The following PDZRN3 variants were observed in gnomAD, a reference collection of about 807,000 sequenced individuals.
The protein encoded by PDZRN3 is PDZ domain containing ring finger 3, also known as E3 ubiquitin-protein ligase PDZRN3.
A neutral mutation model predicts 85.7 loss-of-function variants in PDZRN3; 38 were observed. The observed-to-expected ratio is 0.44, with a 90% confidence interval of 0.34 to 0.58. The LOEUF is 0.58. PDZRN3 is among the 20% of genes least tolerant of loss of function. The pLI is 0.01. For synonymous variants in PDZRN3, 759 were observed against 638.0 expected, an observed-to-expected ratio of 1.19 and a Z score of -2.86; for missense variants, 1,629 against 1,506.4, an observed-to-expected ratio of 1.08 and a Z score of -1.35.
At chr3:73,594,889 C>T (rs1012774631) in intron 3 of PDZRN3, among the ~76,000 whole-genome samples, 3 of 152,274 alleles carry the variant, frequency 2.0e-5, no homozygotes, top group East Asian at 1.9e-4. Context: ...AGTGAAAAGA[C>T]AGTCATTACT....
intron 3 of PDZRN3, among the ~76,000 whole-genome samples, chr3:73,457,404 G>A (rs1467590952): frequency 6.6e-6 from 1 of 152,076 alleles, no homozygotes; most frequent in African/African-American, 2.4e-5. Flanking sequence ...GCACCATCAA[G>A]GCTCTGGAGT....
chr3:73,447,973 A>G (rs1003661099), intron 3 of PDZRN3, among the ~76,000 whole-genome samples: 1 of 152,200 alleles, frequency 6.6e-6, no homozygotes, highest in East Asian at 1.9e-4. Context: ...CCTAAATATC[A>G]TAGCTTTTCC....
chr3:73,526,364 A>G lies in PDZRN3; in HGVS notation c.918+75990T>C, dbSNP rs529183560. ...AGAGTATTCTCATACCAACCCATCA[A>G]GTATCCCCATACCCATTCCACAGAT... On this transcript the variant is annotated intron_variant, in intron 3 of 9. Transcript: ENST00000263666. 1.2e-4 allele frequency among the ~76,000 whole-genome samples: 19 copies of G among 152,330 alleles called. No homozygotes were observed. In the South Asian group the frequency reaches 3.9e-3, roughly 32 times the overall value.
chr3:73,419,771 T>C (rs981561180), intron 3 of PDZRN3, among the ~76,000 whole-genome samples: 4 of 152,194 alleles, frequency 2.6e-5, no homozygotes, highest in Non-Finnish European at 5.9e-5. Flanking sequence ...GTGTCTTAAT[T>C]GCTATCGCAG....
At chr3:73,412,696 A>C (rs1701997975) in intron 3 of PDZRN3, among the ~76,000 whole-genome samples, 1 of 152,204 alleles carries the variant, frequency 6.6e-6, no homozygotes, top group Admixed American at 6.5e-5. Flanking sequence ...TCTCTGTAAA[A>C]TGGGTTAACA....
chr3:73,562,982 A>G (rs1323704229), intron 3 of PDZRN3, among the ~76,000 whole-genome samples: 3 of 26,536 alleles, frequency 1.1e-4, no homozygotes, highest in African/African-American at 4.7e-4. Context: ...AAGTTGGCAA[A>G]TTATATATAT....
At chr3:73,579,073 C>T (rs1006494584) in intron 3 of PDZRN3, among the ~76,000 whole-genome samples, 5 of 152,060 alleles carry the variant, frequency 3.3e-5, no homozygotes, top group Admixed American at 2.0e-4. Context: ...TAATACCCAA[C>T]GTGATAGTAC....
chr3:73,481,610 G>C (rs753853258), intron 3 of PDZRN3, among the ~76,000 whole-genome samples: 2 of 151,468 alleles, frequency 1.3e-5, no homozygotes, highest in African/African-American at 2.4e-5. Context: ...GATTACAGGC[G>C]TAAGCCACCA....
chr3:73,396,052 G>A (rs1263200164), intron 5 of PDZRN3, among the ~76,000 whole-genome samples: 1 of 152,044 alleles, frequency 6.6e-6, no homozygotes, highest in African/African-American at 2.4e-5. Flanking sequence ...GCGAAACCCT[G>A]TCTCTACTAA....
chr3:73,459,130 G>A (rs1296247502), intron 3 of PDZRN3, among the ~76,000 whole-genome samples: 1 of 152,128 alleles, frequency 6.6e-6, no homozygotes, highest in African/African-American at 2.4e-5. Context: ...AAGAGAGAAT[G>A]AGTGCCAGCA....
At chr3:73,425,084 G>A (rs1559672604) in intron 3 of PDZRN3, among the ~76,000 whole-genome samples, 2 of 149,864 alleles carry the variant, frequency 1.3e-5, no homozygotes, top group African/African-American at 4.9e-5. Flanking sequence ...GTATGATCTC[G>A]GCTCACTGCA....
intron 3 of PDZRN3, among the ~76,000 whole-genome samples, chr3:73,589,703 C>G (rs1702326519): frequency 3.9e-5 from 6 of 152,188 alleles, no homozygotes; most frequent in Admixed American, 3.9e-4. Context: ...CCAAAGGATT[C>G]TCCTTTCATT....
At chr3:73,405,780 T>G (rs900305680) in intron 3 of PDZRN3, among the ~76,000 whole-genome samples, 1 of 152,344 alleles carries the variant, frequency 6.6e-6, no homozygotes, top group Admixed American at 6.5e-5. Flanking sequence ...TTTTCCTCCC[T>G]TAGTATCTTG....
At chr3:73,523,013 TG>T (rs202052020) in intron 3 of PDZRN3, among the ~76,000 whole-genome samples, 54 of 146,756 alleles carry the variant, frequency 3.7e-4, no homozygotes, top group Middle Eastern at 3.5e-3. Context: ...GAGTTTTTTT[TG>T]TTTGTTTGTT....
chr3:73,404,573 T>G (rs1701817228), intron 3 of PDZRN3, 178 bp from the exon 4 acceptor site: 1 of 619,814 alleles, frequency 1.6e-6, no homozygotes, highest in East Asian at 2.8e-5. Flanking sequence ...GGAAAGAGAG[T>G]GAGTTTGGAG....
chr3:73,433,273 A>C (rs964403216), intron 3 of PDZRN3, among the ~76,000 whole-genome samples: 1 of 152,198 alleles, frequency 6.6e-6, no homozygotes, highest in South Asian at 2.1e-4. Flanking sequence ...CCTTGCTAGC[A>C]TTAATCATCA....
chr3:73,396,477 C>A (rs1215335273), intron 5 of PDZRN3, among the ~76,000 whole-genome samples: 1 of 152,150 alleles, frequency 6.6e-6, no homozygotes, highest in East Asian at 1.9e-4. Flanking sequence ...TTCCCTAGAT[C>A]TATTCCTTGT....
At chr3:73,503,396 G>A (rs1015562205) in intron 3 of PDZRN3, among the ~76,000 whole-genome samples, 14 of 152,112 alleles carry the variant, frequency 9.2e-5, no homozygotes, top group Non-Finnish European at 1.5e-4. Flanking sequence ...CCAAAGTCTA[G>A]CATTACACAT....
intron 6 of PDZRN3, 37 bp downstream of exon 6, chr3:73,390,981 G>T: frequency 5.9e-6 from 8 of 1,345,364 alleles, no homozygotes; most frequent in African/African-American, 1.4e-5. Context: ...TTTTGGTCTT[G>T]ATACGATAGT....
Sources: gnomAD v4.1 joint callset for allele counts (sites outside exome capture counted in the v4.1 genomes callset) on GRCh38, gnomAD v4.1.1 for gene constraint, MANE v1.5 for transcripts, NCBI Gene and HGNC (gene_info 2026-07-23, HGNC 2026-07-21) for gene names.